GMCL1: variants seen among roughly 807,000 people sequenced by gnomAD.
The protein encoded by GMCL1 is germ cell-less 1, spermatogenesis associated.
GMCL1 carries 54 observed loss-of-function variants against 75.5 expected under a neutral mutation model. The observed-to-expected ratio is 0.71, with a 90% CI of 0.57 to 0.90. The LOEUF (loss-of-function observed/expected upper bound fraction) is 0.90, where lower values mean the gene tolerates loss of function less well. Among genes scored for constraint, GMCL1 ranks in the 40% least tolerant of loss-of-function variants. The pLI, the probability that GMCL1 is intolerant of heterozygous loss-of-function variation, is 0.00. For missense variants in GMCL1, 537 were observed against 622.7 expected (o/e 0.86, Z 1.47); for synonymous variants, 210 against 209.6 (o/e 1.00, Z -0.02).
intron 10 of GMCL1, among the ~76,000 whole-genome samples, chr2:69,864,012 C>T (rs1047671344): frequency 2.0e-5 from 3 of 152,054 alleles, no homozygotes; most frequent in Non-Finnish European, 4.4e-5. Context: ...TCTAATGATC[C>T]CCCTCTAATC....
chr2:69,878,724 T>C (rs894333878), intron 13 of GMCL1, among the ~76,000 whole-genome samples, 185 bp from the exon 14 acceptor site: 1 of 152,200 alleles, frequency 6.6e-6, no homozygotes, highest in Non-Finnish European at 1.5e-5. Context: ...ACTCTTACTG[T>C]CCCCATCTTA....
chr2:69,840,388 C>G (rs1466317699), intron 3 of GMCL1, among the ~76,000 whole-genome samples: 3 of 150,100 alleles, frequency 2.0e-5, no homozygotes, highest in Non-Finnish European at 3.0e-5. Flanking sequence ...CCAGCCTGGG[C>G]GACAGAGCGA....
intron 7 of GMCL1, among the ~76,000 whole-genome samples, chr2:69,847,859 G>C (rs911773380): frequency 6.6e-6 from 1 of 151,926 alleles, no homozygotes; most frequent in Non-Finnish European, 1.5e-5. Context: ...TTTTTTCCCA[G>C]ACTTTTCTTT....
chr2:69,863,030 A>T (rs1401661414), intron 10 of GMCL1, among the ~76,000 whole-genome samples: 1 of 152,174 alleles, frequency 6.6e-6, no homozygotes. Context: ...AGTCTCATCT[A>T]AGATACTGCA....
At chr2:69,850,508 T>C (rs1675287844) in intron 8 of GMCL1, among the ~76,000 whole-genome samples, 1 of 152,212 alleles carries the variant, frequency 6.6e-6, no homozygotes, top group South Asian at 2.1e-4. Context: ...GTTGAGCCTT[T>C]GTGACCTAAT....
At chr2:69,852,379 T>A (rs1356984846) in intron 8 of GMCL1, among the ~76,000 whole-genome samples, 1 of 152,238 alleles carries the variant, frequency 6.6e-6, no homozygotes, top group South Asian at 2.1e-4. Flanking sequence ...AGACATTGAT[T>A]GCACAAACCA....
chr2:69,854,424 C>G (rs1024347036), intron 8 of GMCL1, among the ~76,000 whole-genome samples: 3 of 152,092 alleles, frequency 2.0e-5, no homozygotes, highest in Admixed American at 6.5e-5. Context: ...TATTCTTTGT[C>G]CTGTGTACCT....
intron 1 of GMCL1, among the ~76,000 whole-genome samples, chr2:69,831,653 G>C (rs1335104555): frequency 6.6e-6 from 1 of 152,000 alleles, no homozygotes; most frequent in Non-Finnish European, 1.5e-5. Context: ...TGTCGCCCAG[G>C]CTGGAATGCA....
At chr2:69,855,855 A>G (rs183555398) in intron 9 of GMCL1, among the ~76,000 whole-genome samples, 49 of 152,330 alleles carry the variant, frequency 3.2e-4, no homozygotes, top group Middle Eastern at 3.4e-3. Context: ...GTTAGATGCC[A>G]AAGCCAATTA....
intron 9 of GMCL1, among the ~76,000 whole-genome samples, chr2:69,856,881 C>T (rs2104001905): frequency 6.6e-6 from 1 of 152,080 alleles, no homozygotes; most frequent in South Asian, 2.1e-4. Context: ...TCTATTTCTC[C>T]CCCAATCCAG....
chr2:69,859,114 C>G (rs1675564562), intron 9 of GMCL1, among the ~76,000 whole-genome samples: 1 of 146,818 alleles, frequency 6.8e-6, no homozygotes, highest in Admixed American at 6.9e-5. Flanking sequence ...CCACCACACT[C>G]CAGCCTGGTG....
chr2:69,839,434 G>A lies in GMCL1; in HGVS notation c.385-23G>A, dbSNP rs144646064. 9.7e-4 allele frequency: 1,372 copies of A among 1,412,914 alleles called. 9 individuals carry two copies. In the African/African-American group the frequency reaches 0.015, roughly 15 times the overall value. 87.5% of individuals were successfully genotyped at this position (1,412,914 alleles called of 1,614,324 possible). ...AAGACACAGAAAGTACTTGATAATC[G>A]TTGACTTTTTTTTTTGTTTAAGTCT... is the stretch of plus-strand genomic sequence containing the variant. On this transcript the variant is annotated intron_variant, in intron 2 of 13. Transcript: ENST00000282570.
Position 69,879,451 on chromosome 2 carries a change from G to C in GMCL1, c.*447G>C, listed in dbSNP as rs1296185104. The C allele has an allele frequency of 6.5e-6, 1 of 152,830 alleles. No individual in the cohort carries two copies. The highest frequency in any genetic ancestry group is 1.9e-4 in the East Asian group (1 of 5,210). 9.5% of individuals were successfully genotyped at this position (152,830 alleles called of 1,614,324 possible). A position where few individuals can be genotyped will look rare whatever the true frequency, so the allele number is the denominator to read the frequency against. On this transcript the variant is annotated 3_prime_UTR_variant, in exon 14 of 14. Transcript: ENST00000282570. ...TAAAATAATCTAAAAGAATAATTTG[G>C]TTGGCCAATTAGAAATGCCTTTTTC...
At chr2:69,847,115 A>AGCC (rs1675171283) in intron 6 of GMCL1, among the ~76,000 whole-genome samples, 1 of 151,524 alleles carries the variant, frequency 6.6e-6, no homozygotes, top group Non-Finnish European at 1.5e-5. Context: ...TACAGATGTG[A>AGCC]GCCACTATGC....
chr2:69,842,902 T>C (rs2103961791), intron 4 of GMCL1: 1 of 273,418 alleles, frequency 3.7e-6, no homozygotes, highest in South Asian at 6.9e-5. Context: ...TTCTCTACCT[T>C]ACTACTCCCC....
rs1293969236 is a variant in GMCL1 at position 69,868,718 on chromosome 2, GAGTATTTTTA to G, written c.1219-999_1219-990del. 2.0e-5 allele frequency among the ~76,000 whole-genome samples: 3 copies of G among 148,988 alleles called. No individual in the cohort carries two copies. In the East Asian group the frequency reaches 6.1e-4, roughly 30 times the overall value. ...GTGAGCCACCACACCCAGCCCTTAA[GAGTATTTTTA>G]AAGCAAGGTGGATTTTAATGGGCTC... On this transcript the variant is annotated intron_variant, in intron 11 of 13. Transcript: ENST00000282570.
chr2:69,867,959 C>T (rs1362919410), intron 11 of GMCL1, among the ~76,000 whole-genome samples: 1 of 152,234 alleles, frequency 6.6e-6, no homozygotes, highest in Non-Finnish European at 1.5e-5. Context: ...AGAATCTGTA[C>T]ATCATCTTAC....
At chr2:69,838,020 T>C (rs937917132) in intron 2 of GMCL1, among the ~76,000 whole-genome samples, 2 of 152,146 alleles carry the variant, frequency 1.3e-5, no homozygotes, top group Non-Finnish European at 2.9e-5. Context: ...TTATTTAAAT[T>C]GGATAAACTC....
chr2:69,868,064 C>G (rs1025151269), intron 11 of GMCL1, among the ~76,000 whole-genome samples: 3 of 152,202 alleles, frequency 2.0e-5, no homozygotes, highest in Admixed American at 1.3e-4. Flanking sequence ...TTAGTCCATT[C>G]CCTCTCTTTG....
Sources: gnomAD v4.1 joint callset for allele counts (sites outside exome capture counted in the v4.1 genomes callset) on GRCh38, gnomAD v4.1.1 for gene constraint, MANE v1.5 for transcripts, NCBI Gene and HGNC (gene_info 2026-07-23, HGNC 2026-07-21) for gene names.